RTN1: variants seen among roughly 807,000 people sequenced by gnomAD.
RTN1 encodes the protein reticulon-1.
In RTN1, 25 loss-of-function variants were observed where a neutral mutation model predicts 65.5. The observed-to-expected ratio is 0.38, with a 90% CI of 0.28 to 0.53. RTN1 has a LOEUF of 0.53. RTN1 is among the 20% of genes least tolerant of loss of function. RTN1 has a pLI of 0.79. For missense variants in RTN1, 983 were observed against 1,025.4 expected (o/e 0.96, Z 0.57); for synonymous variants, 471 against 447.6 (o/e 1.05, Z -0.66).
chr14:59,720,407 A>C (rs950808066), intron 3 of RTN1, among the ~76,000 whole-genome samples: 1 of 152,162 alleles, frequency 6.6e-6, no homozygotes, highest in South Asian at 2.1e-4. Context: ...AGTCTCATAA[A>C]AGTAGCTTAG....
intron 3 of RTN1, among the ~76,000 whole-genome samples, chr14:59,655,007 T>C (rs188316208): frequency 2.0e-5 from 3 of 152,214 alleles, no homozygotes; most frequent in East Asian, 3.9e-4. Context: ...ACATTGAAAA[T>C]GAAGAAGTAA....
intron 1 of RTN1, among the ~76,000 whole-genome samples, chr14:59,834,645 T>C (rs936863884): frequency 3.9e-5 from 6 of 152,066 alleles, no homozygotes; most frequent in African/African-American, 1.4e-4. Flanking sequence ...AAAAATCTAA[T>C]AGTGAAATGG....
At chr14:59,713,241 T>C (rs1819394206) in intron 3 of RTN1, among the ~76,000 whole-genome samples, 1 of 152,140 alleles carries the variant, frequency 6.6e-6, no homozygotes, top group African/African-American at 2.4e-5. Context: ...ATACGGTGTC[T>C]TGAGGGAGGG....
chr14:59,776,143 T>C (rs1010024957), intron 1 of RTN1, among the ~76,000 whole-genome samples: 2 of 152,140 alleles, frequency 1.3e-5, no homozygotes, highest in Non-Finnish European at 2.9e-5. Flanking sequence ...TGAGCCATTG[T>C]CTTCTCTCCT....
intron 8 of RTN1, among the ~76,000 whole-genome samples, chr14:59,600,261 GGATGAT>G (rs534945811): frequency 6.6e-6 from 1 of 151,810 alleles, no homozygotes. Flanking sequence ...AGCAGTAATC[GGATGAT>G]GATGATGATG....
At chr14:59,814,081 A>T (rs1886776629) in intron 1 of RTN1, among the ~76,000 whole-genome samples, 1 of 152,204 alleles carries the variant, frequency 6.6e-6, no homozygotes, top group South Asian at 2.1e-4. Context: ...CTGCCTTTCC[A>T]CAAAGCCTTA....
intron 3 of RTN1, among the ~76,000 whole-genome samples, chr14:59,703,646 T>C (rs1884228229): frequency 6.6e-6 from 1 of 152,260 alleles, no homozygotes; most frequent in Admixed American, 6.5e-5. Context: ...TTATTGTTCT[T>C]GTCTTTCTCC....
At chr14:59,757,418 TTC>T (rs1254809828) in intron 1 of RTN1, among the ~76,000 whole-genome samples, 1 of 152,178 alleles carries the variant, frequency 6.6e-6, no homozygotes, top group Non-Finnish European at 1.5e-5. Context: ...TTGGTTCTCA[TTC>T]TCTCTTTGCT....
At chr14:59,765,124 A>C (rs556756746) in intron 1 of RTN1, among the ~76,000 whole-genome samples, 44 of 151,572 alleles carry the variant, frequency 2.9e-4, no homozygotes, top group Non-Finnish European at 5.9e-4. Flanking sequence ...TGGAAGAATT[A>C]GGAGAAAAAA....
chr14:59,824,694 C>T (rs1184582215), intron 1 of RTN1, among the ~76,000 whole-genome samples: 2 of 152,026 alleles, frequency 1.3e-5, no homozygotes, highest in African/African-American at 2.4e-5. Flanking sequence ...GGGTTTTTTC[C>T]CAAATAGTTT....
chr14:59,850,765 C>G (rs1434811820), intron 1 of RTN1, among the ~76,000 whole-genome samples: 1 of 152,164 alleles, frequency 6.6e-6, no homozygotes, highest in Non-Finnish European at 1.5e-5. Flanking sequence ...TTATACAGTC[C>G]TTACTATGTC....
intron 3 of RTN1, among the ~76,000 whole-genome samples, chr14:59,636,900 A>C (rs1882677631): frequency 6.6e-6 from 1 of 152,242 alleles, no homozygotes; most frequent in Non-Finnish European, 1.5e-5. Flanking sequence ...AGTAATTCAT[A>C]ATAATCTTTT....
Position 59,727,418 on chromosome 14 carries a change from G to T in RTN1, c.1266C>A (p.Ala422=). The T allele has an allele frequency of 6.4e-7, 1 of 1,550,728 alleles. No homozygotes were observed. Among genetic ancestry groups the T allele is most frequent in the Non-Finnish European group, 8.7e-7 (1 of 1,148,042 alleles). Residue 422 remains alanine, a synonymous_variant, in exon 3 of 9, where the codon GCC becomes GCA. Coordinates refer to ENST00000267484, the MANE Select transcript of RTN1 (RefSeq NM_021136.3). The surrounding 1 kb of genome is among the most constrained non-coding windows in gnomAD (Gnocchi z 4.2). The part of the protein sequence containing the change: ...EIELVSEDPM[A]AEDALPSGYV... The stretch of plus-strand genomic sequence containing the variant: ...AGCCTGAGGGCAGCGCGTCCTCCGC[G>T]GCCATGGGGTCCTCGGACACCAGCT...
At chr14:59,823,393 A>C (rs72716175) in intron 1 of RTN1, among the ~76,000 whole-genome samples, 2,168 of 151,608 alleles carry the variant, frequency 0.014, 29 homozygotes, top group Non-Finnish European at 0.02. Context: ...TTTTACTTTG[A>C]GCCTATGGGT....
intron 1 of RTN1, among the ~76,000 whole-genome samples, chr14:59,822,530 GTTAT>G (rs1886961332): frequency 6.6e-6 from 1 of 152,096 alleles, no homozygotes; most frequent in Non-Finnish European, 1.5e-5. Flanking sequence ...TCTGACTTTG[GTTAT>G]TTGTTTTCTT....
chr14:59,742,912 A>G (rs1885142244), intron 2 of RTN1, among the ~76,000 whole-genome samples: 1 of 152,162 alleles, frequency 6.6e-6, no homozygotes, highest in Non-Finnish European at 1.5e-5. Flanking sequence ...TCGCAGGATA[A>G]AAAGGGCAGG....
chr14:59,621,866 T>C (rs773914173), intron 3 of RTN1, among the ~76,000 whole-genome samples: 2 of 152,354 alleles, frequency 1.3e-5, no homozygotes, highest in Non-Finnish European at 2.9e-5. Flanking sequence ...TTATATTTTA[T>C]TTATAAGGTA....
chr14:59,830,873 A>C (rs1008728787), intron 1 of RTN1, among the ~76,000 whole-genome samples: 1 of 152,146 alleles, frequency 6.6e-6, no homozygotes, highest in Non-Finnish European at 1.5e-5. Context: ...CTATATTATC[A>C]TTTTTGTTAT....
intron 3 of RTN1, among the ~76,000 whole-genome samples, chr14:59,613,106 T>TA (rs35120410): frequency 2.0e-5 from 3 of 152,124 alleles, no homozygotes; most frequent in Non-Finnish European, 2.9e-5. Context: ...CTAAATCTTA[T>TA]AAAAAAAGAA....
Sources: gnomAD v4.1 joint callset for allele counts (sites outside exome capture counted in the v4.1 genomes callset) on GRCh38, gnomAD v4.1.1 for gene constraint, Gnocchi (gnomAD v3.1) non-coding constraint, MANE v1.5 for transcripts, NCBI Gene and HGNC (gene_info 2026-07-23, HGNC 2026-07-21) for gene names.